Variants in GRXCR2 observed in about 807,000 individuals in gnomAD.
The protein encoded by GRXCR2 is glutaredoxin domain-containing cysteine-rich protein 2.
Under a neutral mutation model 24.8 loss-of-function variants are expected in GRXCR2, and 23 were observed. The ratio of observed to expected loss-of-function variants is 0.93; its 90% confidence interval spans 0.67 to 1.32. The LOEUF (loss-of-function observed/expected upper bound fraction) is 1.32, where lower values mean the gene tolerates loss of function less well. Ranked by LOEUF, GRXCR2 falls within the 40% of genes most tolerant of loss-of-function variation. The pLI, the probability that GRXCR2 is intolerant of heterozygous loss-of-function variation, is 0.00. For synonymous variants in GRXCR2, 130 were observed against 116.1 expected (o/e 1.12, Z -0.77); for missense variants, 315 against 303.4 (o/e 1.04, Z -0.28).
At chr5:145,892,008 T>C (rs1304749854) in intron 2 of GRXCR2, among the ~76,000 whole-genome samples, 1 of 152,158 alleles carries the variant, frequency 6.6e-6, no homozygotes, top group African/African-American at 2.4e-5. Flanking sequence ...CCACTGCTGA[T>C]ACCCAGGCAA....
chr5:145,886,436 A>G (rs140962212), intron 2 of GRXCR2, among the ~76,000 whole-genome samples: 4 of 152,312 alleles, frequency 2.6e-5, no homozygotes, highest in Admixed American at 6.5e-5. Flanking sequence ...AGTGTGGTGG[A>G]AAAACATCCA....
At chr5:145,929,198 C>CATATATATATATATATA (rs1554107328) in intron 2 of GRXCR2, among the ~76,000 whole-genome samples, 2 of 88,422 alleles carry the variant, frequency 2.3e-5, no homozygotes, top group Non-Finnish European at 4.1e-5. Context: ...AATATTCCCC[C>CATATATATATATATATA]CTATATATAT....
At chr5:145,888,989 C>T (rs553051500) in intron 2 of GRXCR2, among the ~76,000 whole-genome samples, 1 of 152,022 alleles carries the variant, frequency 6.6e-6, no homozygotes, top group East Asian at 1.9e-4. Context: ...GCCTAGCCAA[C>T]ATGGTGAAAC....
chr5:145,871,966 A>G (rs563725372), intron 1 of GRXCR2, among the ~76,000 whole-genome samples: 3 of 152,346 alleles, frequency 2.0e-5, no homozygotes, highest in African/African-American at 7.2e-5. Context: ...AAAATCATGT[A>G]TGGACTTTTG....
rs377059309 is a variant in GRXCR2 at position 145,926,836 on chromosome 5, A to G, written c.-70+8865T>C. ...CCTTGGGCAGTATGGCCATTTTCAC[A>G]ATATTGATTCTTCCTACCCATGAGC... On this transcript the variant is annotated intron_variant, in intron 2 of 3. Transcript: ENST00000639411. Among the ~76,000 whole-genome samples the G allele has an allele frequency of 5.1e-4, 77 of 152,086 alleles. 1 individual carries two copies. Among genetic ancestry groups the G allele is most frequent in the Admixed American group, 6.6e-5 (1 of 15,264 alleles).
chr5:145,913,805 G>A (rs7714798), intron 2 of GRXCR2, among the ~76,000 whole-genome samples: 21,843 of 152,098 alleles, frequency 0.14, 2,125 homozygotes, highest in African/African-American at 0.25. Flanking sequence ...TTACAGGCAG[G>A]CATGAGACCA....
At chr5:145,909,697 A>G (rs761196339) in intron 2 of GRXCR2, among the ~76,000 whole-genome samples, 3 of 152,208 alleles carry the variant, frequency 2.0e-5, no homozygotes, top group African/African-American at 4.8e-5. Context: ...GTAGATGCTC[A>G]ATAATAGAAT....
intron 2 of GRXCR2, among the ~76,000 whole-genome samples, chr5:145,896,095 C>G (rs979230019): frequency 2.6e-5 from 4 of 152,122 alleles, no homozygotes; most frequent in African/African-American, 9.7e-5. Flanking sequence ...AAAGCTGAAA[C>G]TGGATCCCTT....
chr5:145,918,632 C>T (rs1050718279), intron 2 of GRXCR2, among the ~76,000 whole-genome samples: 1 of 152,192 alleles, frequency 6.6e-6, no homozygotes, highest in Admixed American at 6.5e-5. Flanking sequence ...GTGCTGCAAG[C>T]AGGCTTCAGC....
intron 1 of GRXCR2, among the ~76,000 whole-genome samples, chr5:145,869,861 C>T (rs1400044080): frequency 6.6e-6 from 1 of 152,030 alleles, no homozygotes; most frequent in East Asian, 1.9e-4. Context: ...CTGGCCTGAG[C>T]TTCTTATGTG....
At chr5:145,912,534 C>T (rs761304380) in intron 2 of GRXCR2, among the ~76,000 whole-genome samples, 5 of 152,026 alleles carry the variant, frequency 3.3e-5, no homozygotes, top group Admixed American at 6.6e-5. Flanking sequence ...CACACAGATA[C>T]GTAATAAGCA....
intron 2 of GRXCR2, among the ~76,000 whole-genome samples, chr5:145,860,332 T>C (rs1001590076): frequency 6.6e-5 from 10 of 152,174 alleles, no homozygotes; most frequent in Non-Finnish European, 1.0e-4. Flanking sequence ...CATCTAATCC[T>C]CACAAAATCC....
At chr5:145,873,120 T>C (rs986148451), upstream of GRXCR2, 1 of 625,166 alleles carries the variant, frequency 1.6e-6, no homozygotes, top group Non-Finnish European at 2.8e-6. Flanking sequence ...CTGACACCCA[T>C]ACATTAAATA....
intron 2 of GRXCR2, among the ~76,000 whole-genome samples, chr5:145,865,314 T>C (rs1227159478): frequency 6.6e-6 from 1 of 152,132 alleles, no homozygotes; most frequent in Non-Finnish European, 1.5e-5. Flanking sequence ...GCATCAAAAT[T>C]GCTTCCTCCA....
At chr5:145,917,631 T>C (rs1232837528) in intron 2 of GRXCR2, among the ~76,000 whole-genome samples, 1 of 152,104 alleles carries the variant, frequency 6.6e-6, no homozygotes, top group Non-Finnish European at 1.5e-5. Context: ...GAGCAGCACC[T>C]GTCACATCCT....
chr5:145,889,801 G>A (rs534104273), intron 2 of GRXCR2, among the ~76,000 whole-genome samples: 3 of 152,102 alleles, frequency 2.0e-5, no homozygotes, highest in Non-Finnish European at 4.4e-5. Flanking sequence ...CCAAGACAAG[G>A]TTGAAAATCA....
intron 2 of GRXCR2, among the ~76,000 whole-genome samples, chr5:145,878,086 G>A (rs1211949869): frequency 2.0e-5 from 3 of 152,176 alleles, no homozygotes; most frequent in Non-Finnish European, 4.4e-5. Context: ...ACAAAGATGG[G>A]GAGAAACCAG....
Position 145,929,198 on chromosome 5 carries a change from C to CATATATATAT in GRXCR2, c.-70+6502_-70+6503insATATATATAT, listed in dbSNP as rs1554107328. Reference sequence around the variant, plus strand: ...TTTTAATAGTTGTATAATATTCCCCCCTATATATATATATATATATATATA... The same window carrying CATATATATAT: ...TTTTAATAGTTGTATAATATTCCCCCATATATATATCTATATATATATATATATATATATA... On this transcript the variant is annotated intron_variant, in intron 2 of 3. Coordinates refer to the GRXCR2 transcript ENST00000639411. Among the ~76,000 whole-genome samples the CATATATATAT allele has an allele frequency of 1.8e-3, 162 of 88,370 alleles. 8 individuals are homozygous for CATATATATAT. The highest frequency in any genetic ancestry group is 6.0e-3 in the South Asian group (15 of 2,484). 58.0% of individuals were successfully genotyped at this position (88,370 alleles called of 152,430 possible).
chr5:145,905,387 A>G (rs930346670), intron 2 of GRXCR2, among the ~76,000 whole-genome samples: 1 of 152,260 alleles, frequency 6.6e-6, no homozygotes. Flanking sequence ...ACAAATAAAC[A>G]TACCACAGTG....
Sources: gnomAD v4.1 joint callset for allele counts (sites outside exome capture counted in the v4.1 genomes callset) on GRCh38, gnomAD v4.1.1 for gene constraint, MANE v1.5 for transcripts, NCBI Gene and HGNC (gene_info 2026-07-23, HGNC 2026-07-21) for gene names.